The following HTRA4 variants were observed in gnomAD, a reference collection of about 807,000 sequenced individuals.
The protein encoded by HTRA4 is serine protease HTRA4.
A neutral mutation model predicts 49.1 loss-of-function variants in HTRA4; 46 were observed. The ratio of observed to expected loss-of-function variants is 0.94; its 90% CI spans 0.74 to 1.20. The LOEUF is 1.20. HTRA4 is among the 50% of genes most tolerant of loss of function. The probability of loss-of-function intolerance (pLI) is 0.00; values close to 1 mark genes in which losing one functional copy is unlikely to be tolerated. For missense variants in HTRA4, 602 were observed against 636.9 expected, an observed-to-expected ratio of 0.95 and a Z score of 0.59; for synonymous variants, 261 against 264.0, an observed-to-expected ratio of 0.99 and a Z score of 0.11.
chr8:38,974,535 G>A lies in HTRA4; in HGVS notation c.272G>A (p.Gly91Glu), dbSNP rs1014813907. Residue 91 changes from glycine (G) to glutamate (E), a missense_variant, in exon 1 of 9, where the codon GGG becomes GAG. Physicochemically the swap from Gly to Glu is moderately conservative, Grantham distance 98. Transcript: ENST00000302495. ...GGAQGQPCAPGLQCLQPLRPG... is the reference protein window; with the variant it reads ...GGAQGQPCAPELQCLQPLRPG... ...GCGCAGGGCCAACCGTGCGCCCCGG[G>A]GCTGCAGTGCCTCCAGCCGCTGCGC... 2.1e-6 allele frequency: 3 copies of A among 1,419,748 alleles called. No individual in the cohort carries two copies. The highest frequency in any genetic ancestry group is 2.7e-6 in the Non-Finnish European group (3 of 1,098,112). 87.9% of individuals were successfully genotyped at this position (1,419,748 alleles called of 1,614,324 possible).
Position 38,988,554 on chromosome 8 carries a change from T to G in HTRA4, c.*456T>G, listed in dbSNP as rs1835517041. 6.5e-6 allele frequency: 1 copy of G among 152,788 alleles called. No individual in the cohort carries two copies. The highest frequency in any genetic ancestry group is 2.4e-5 in the African/African-American group (1 of 41,436). The allele number at this position is 152,788 out of a possible 1,614,324, so 9.5% of individuals were successfully genotyped here. ...TGGGCTTAACACCCAGGTGATGGGTTGATTGATAGGTGCAGCAAACCATCA... is the reference window on the plus strand; with the variant it reads ...TGGGCTTAACACCCAGGTGATGGGTGGATTGATAGGTGCAGCAAACCATCA... On this transcript the variant is annotated 3_prime_UTR_variant, in exon 9 of 9. Coordinates refer to ENST00000302495, the MANE Select transcript of HTRA4 (RefSeq NM_153692.4).
intron 8 of HTRA4, 96 bp downstream of exon 8, chr8:38,983,144 A>AC: frequency 7.0e-6 from 5 of 716,146 alleles, no homozygotes; most frequent in South Asian, 1.8e-5. Flanking sequence ...TCTGTCCAAT[A>AC]CAGTGGCCAC....
chr8:38,977,213 G>A (rs758364239), intron 3 of HTRA4, among the ~76,000 whole-genome samples: 1 of 152,036 alleles, frequency 6.6e-6, no homozygotes, highest in African/African-American at 2.4e-5. Context: ...TGGGATTACA[G>A]GTGTGAGCCA....
rs776546047 is a variant in HTRA4 at position 38,983,020 on chromosome 8, A to C, written c.1240A>C (p.Lys414Gln). 1.2e-6 allele frequency: 2 copies of C among 1,613,648 alleles called. No homozygotes were observed. Among genetic ancestry groups the C allele is most frequent in the Non-Finnish European group, 1.7e-6 (2 of 1,179,620 alleles). The stretch of plus-strand genomic sequence containing the variant: ...TGTGAGTTCTGGGGTTTATGTATGT[A>C]AAGTGGTTGAAGGAACAGCTGCTCA... ...PDVSSGVYVC[K>Q]VVEGTAAQSS... The change falls in exon 8 of 9, where the codon AAA becomes CAA. Residue 414 changes from lysine to glutamine, a missense_variant. Coordinates refer to ENST00000302495, the MANE Select transcript of HTRA4 (RefSeq NM_153692.4).
intron 8 of HTRA4, among the ~76,000 whole-genome samples, chr8:38,985,203 C>T (rs1041250981): frequency 2.0e-5 from 3 of 148,088 alleles, no homozygotes; most frequent in Non-Finnish European, 4.5e-5. Context: ...GCTCTGTCAC[C>T]AGGCTGGAGT....
intron 3 of HTRA4, among the ~76,000 whole-genome samples, chr8:38,977,518 C>T (rs904987514): frequency 6.6e-6 from 1 of 152,186 alleles, no homozygotes; most frequent in African/African-American, 2.4e-5. Context: ...ATTAACATAA[C>T]ATCCCTAGGT....
In HTRA4 at chr8:38,975,150, A is replaced by G; in HGVS notation, c.566+20A>G. 6.2e-7 allele frequency: 1 copy of G among 1,602,302 alleles called. No homozygotes were observed. The highest frequency in any genetic ancestry group is 8.5e-7 in the Non-Finnish European group (1 of 1,170,926). ...GGGCAGGTAAAGGAGGAGGAGGAAGACCTCCACTGTCCCAGCTAATGGTTT... is the reference window on the plus strand; with the variant it reads ...GGGCAGGTAAAGGAGGAGGAGGAAGGCCTCCACTGTCCCAGCTAATGGTTT... On this transcript the variant is annotated intron_variant, in intron 2 of 8. Coordinates refer to ENST00000302495, the MANE Select transcript of HTRA4 (RefSeq NM_153692.4).
chr8:38,978,763 G>C lies in HTRA4; in HGVS notation c.967-452G>C, dbSNP rs552530806. On this transcript the variant is annotated intron_variant, in intron 4 of 8. Transcript: ENST00000302495. Reference sequence around the variant, plus strand: ...TGTAATCCCAGCACTTTGGGAGGCCGAAGGGGGTGGATCATGAGGTCAGGC... The same window carrying C: ...TGTAATCCCAGCACTTTGGGAGGCCCAAGGGGGTGGATCATGAGGTCAGGC... Among the ~76,000 whole-genome samples the C allele has an allele frequency of 8.8e-3, 1,339 of 151,710 alleles. 21 individuals are homozygous for C. Among genetic ancestry groups the C allele is most frequent in the African/African-American group, 0.031 (1,291 of 41,316 alleles).
At chr8:38,980,878 C>A (rs1304084524) in intron 5 of HTRA4, among the ~76,000 whole-genome samples, 1 of 152,078 alleles carries the variant, frequency 6.6e-6, no homozygotes, top group Non-Finnish European at 1.5e-5. Flanking sequence ...TCCCTAAGGT[C>A]AATTTTGCTA....
rs768415792 is a variant in HTRA4 at position 38,977,942 on chromosome 8, GGCAC to G, written c.772-9_772-6del. 2 of 1,611,250 alleles carry G rather than the reference GGCAC, an allele frequency of 1.2e-6. No homozygotes were observed. The highest frequency in any genetic ancestry group is 2.7e-5 in the African/African-American group (2 of 74,632). ...TTTCTGTCCTCCCCATCCCTTTTTG[GGCAC>G]GTGCAGGCTGAACTTCCTGTACTGA... On this transcript the variant is annotated splice_region_variant and splice_polypyrimidine_tract_variant and intron_variant, in intron 3 of 8. Coordinates refer to ENST00000302495, the MANE Select transcript of HTRA4 (RefSeq NM_153692.4).
chr8:38,981,645 C>T lies in HTRA4; in HGVS notation c.1000-8C>T, dbSNP rs1222559694. The T allele has an allele frequency of 6.2e-7, 1 of 1,607,040 alleles. No homozygotes were observed. ...TTCATGACTGAATGATGTCCCCTCC[C>T]TTGCCAGGATGGTGATGTGATTGGC... On this transcript the variant is annotated splice_polypyrimidine_tract_variant and splice_region_variant and intron_variant, in intron 5 of 8. Coordinates refer to ENST00000302495, the MANE Select transcript of HTRA4 (RefSeq NM_153692.4).
Position 38,976,541 on chromosome 8 carries a change from T to G in HTRA4, c.573T>G (p.Leu191=). Residue 191 remains leucine, a synonymous_variant, in exon 3 of 9, where the codon CTT becomes CTG. Coordinates refer to ENST00000302495, the MANE Select transcript of HTRA4 (RefSeq NM_153692.4). The part of the protein sequence containing the change: ...VVHVQLWGRL[L]HGSRLVPVYS... ...TATTGTCTTGTGGAGACAGGTTACT[T>G]CACGGCAGCAGGCTTGTTCCTGTGT... The G allele has an allele frequency of 1.2e-6, 2 of 1,613,804 alleles. No homozygotes were observed. The highest frequency in any genetic ancestry group is 1.7e-6 in the Non-Finnish European group (2 of 1,180,034).
Position 38,988,108 on chromosome 8 carries a change from T to G in HTRA4, c.*10T>G. ...TGAAACAATCAATTAAATATCTTGT[T>G]TTAAAGTGGGATTATCTAAAAAAAA... On this transcript the variant is annotated 3_prime_UTR_variant, in exon 9 of 9. Transcript: ENST00000302495. The G allele has an allele frequency of 6.4e-7, 1 of 1,556,478 alleles. No individual in the cohort carries two copies. The highest frequency in any genetic ancestry group is 1.2e-5 in the South Asian group (1 of 82,638).
intron 8 of HTRA4, among the ~76,000 whole-genome samples, chr8:38,985,161 C>A (rs61364034): frequency 7.7e-6 from 1 of 130,706 alleles, no homozygotes; most frequent in Admixed American, 8.2e-5. Flanking sequence ...TGTTGTACTT[C>A]TTTTTTTTTT....
Position 38,976,754 on chromosome 8 carries a change from G to T in HTRA4, c.771+15G>T, listed in dbSNP as rs973497314. On this transcript the variant is annotated intron_variant, in intron 3 of 8. Transcript: ENST00000302495. Reference sequence around the variant, plus strand: ...TTGAATCAAATGTGAGTATTTCAGGGCTGAGTCAGAGTCTACATATTTGGG... The same window carrying T: ...TTGAATCAAATGTGAGTATTTCAGGTCTGAGTCAGAGTCTACATATTTGGG... 2 of 1,613,516 alleles carry T rather than the reference G, an allele frequency of 1.2e-6. No homozygotes were observed. Among genetic ancestry groups the T allele is most frequent in the Non-Finnish European group, 8.5e-7 (1 of 1,179,562 alleles).
intron 4 of HTRA4, among the ~76,000 whole-genome samples, chr8:38,978,627 T>C (rs1835382159): frequency 6.6e-6 from 1 of 152,196 alleles, no homozygotes; most frequent in Non-Finnish European, 1.5e-5. Context: ...TGTTAGAGTC[T>C]GTCTCGTTCG....
Position 38,974,236 on chromosome 8 carries a change from T to A in HTRA4, c.-28T>A, listed in dbSNP as rs926083787. 1.2e-6 allele frequency: 2 copies of A among 1,609,828 alleles called. No homozygotes were observed. The highest frequency in any genetic ancestry group is 2.7e-5 in the African/African-American group (2 of 74,812). ...GTTTGCAGGTCCAGAGTAAAGTCAC[T>A]GAAGAGTGGAAGCGAGGAAGGAACA... On this transcript the variant is annotated 5_prime_UTR_variant, in exon 1 of 9. Transcript: ENST00000302495.
At position 38,977,266 on chromosome 8, in the gene HTRA4, CT is replaced by C. The variant is rs34914364; in HGVS notation, c.771+543del. On this transcript the variant is annotated intron_variant, in intron 3 of 8. Transcript: ENST00000302495. ...CTGTTTCTATTAACTATCAAGCAGT[CT>C]TTTTTTTTTTTTTTTCCTCCTTCAA... 5.0e-3 allele frequency among the ~76,000 whole-genome samples: 704 copies of C among 141,314 alleles called. 5 individuals are homozygous for C. The highest frequency in any genetic ancestry group is 0.01 in the Admixed American group (142 of 14,156). The allele number at this position is 141,314 out of a possible 152,430, so 92.7% of individuals were successfully genotyped here.
intron 4 of HTRA4, among the ~76,000 whole-genome samples, 192 bp from the exon 5 acceptor site, chr8:38,979,023 G>A (rs1473957854): frequency 6.6e-6 from 1 of 151,564 alleles, no homozygotes; most frequent in Non-Finnish European, 1.5e-5. Context: ...GAAGGTGGTG[G>A]TCCCACTGCT....
Sources: allele counts gnomAD v4.1 joint callset (sites outside exome capture counted in the v4.1 genomes callset), GRCh38; gene constraint gnomAD v4.1.1; transcripts MANE v1.5; gene names NCBI Gene and HGNC (gene_info 2026-07-23, HGNC 2026-07-21).